The following COLGALT2 variants were observed in gnomAD, a reference collection of about 807,000 sequenced individuals.
The protein encoded by COLGALT2 is collagen beta(1-O)galactosyltransferase 2.
Under a neutral mutation model 73.4 loss-of-function variants are expected in COLGALT2, and 49 were observed. That is an observed-to-expected ratio of 0.67 (90% CI 0.53 to 0.85). COLGALT2 has a LOEUF of 0.85. COLGALT2 is among the 40% of genes least tolerant of loss of function. The probability of loss-of-function intolerance (pLI) is 0.00; values close to 1 mark genes in which losing one functional copy is unlikely to be tolerated. For synonymous variants in COLGALT2, 295 were observed against 307.6 expected (o/e 0.96, Z 0.43); for missense variants, 722 against 790.2 (o/e 0.91, Z 1.03).
At chr1:183,960,418 G>A (rs530515478) in intron 6 of COLGALT2, among the ~76,000 whole-genome samples, 4 of 152,244 alleles carry the variant, frequency 2.6e-5, no homozygotes, top group East Asian at 3.9e-4. Flanking sequence ...GATCACACAG[G>A]CCATAGCAAT....
At chr1:183,966,277 G>C (rs561425933) in intron 5 of COLGALT2, among the ~76,000 whole-genome samples, 1 of 152,186 alleles carries the variant, frequency 6.6e-6, no homozygotes, top group East Asian at 1.9e-4. Context: ...GCTGCTTCTG[G>C]GGAAGACAAT....
intron 4 of COLGALT2, among the ~76,000 whole-genome samples, chr1:183,972,873 A>G (rs771099579): frequency 1.1e-4 from 16 of 151,920 alleles, no homozygotes; most frequent in Admixed American, 6.6e-5. Flanking sequence ...CTAATTTTTT[A>G]TATTTTTAGT....
chr1:184,024,744 C>A (rs1649283293), intron 1 of COLGALT2, among the ~76,000 whole-genome samples: 1 of 148,990 alleles, frequency 6.7e-6, no homozygotes, highest in African/African-American at 2.5e-5. Flanking sequence ...GACAGAGATA[C>A]AGCTCAAGGG....
chr1:183,981,379 G>A (rs573121868), intron 1 of COLGALT2, among the ~76,000 whole-genome samples: 3 of 152,230 alleles, frequency 2.0e-5, no homozygotes, highest in South Asian at 4.1e-4. Flanking sequence ...AAGGCCAAGT[G>A]CGGTGGCTCA....
intron 5 of COLGALT2, among the ~76,000 whole-genome samples, chr1:183,966,927 C>G (rs1413143792): frequency 1.3e-5 from 2 of 152,164 alleles, no homozygotes; most frequent in Non-Finnish European, 2.9e-5. Flanking sequence ...GATTTAGGAC[C>G]AAGGTTTGTG....
At chr1:184,015,754 G>A (rs932463820) in intron 1 of COLGALT2, among the ~76,000 whole-genome samples, 1 of 152,170 alleles carries the variant, frequency 6.6e-6, no homozygotes, top group Non-Finnish European at 1.5e-5. Context: ...TGATGCTTTA[G>A]TGCCAGATGA....
intron 1 of COLGALT2, among the ~76,000 whole-genome samples, chr1:183,982,005 A>G (rs74130493): frequency 0.029 from 4,444 of 151,820 alleles, 219 homozygotes; most frequent in African/African-American, 0.1. Flanking sequence ...TTAAATTAAA[A>G]CTAGCCTACT....
chr1:183,994,111 T>C (rs1242343732), intron 1 of COLGALT2, among the ~76,000 whole-genome samples: 1 of 136,616 alleles, frequency 7.3e-6, no homozygotes, highest in Admixed American at 8.2e-5. Context: ...TGATCTCGGC[T>C]CACTGCAAAC....
Position 183,940,538 on chromosome 1 carries a change from G to A in COLGALT2, c.1604+43C>T, listed in dbSNP as rs747960853. On this transcript the variant is annotated intron_variant, in intron 11 of 11. Transcript: ENST00000361927. ...AGAAATGGAGAGCATAATTCATGAA[G>A]AGGCTGTGCCCAAGGGAAGGCAGGC... 4.4e-5 allele frequency: 67 copies of A among 1,538,068 alleles called. No homozygotes were observed. The South Asian group carries it at 6.9e-4, about 16-fold the overall frequency.
At chr1:184,036,529 G>T (rs896286699) in intron 1 of COLGALT2, among the ~76,000 whole-genome samples, 1 of 152,180 alleles carries the variant, frequency 6.6e-6, no homozygotes, top group African/African-American at 2.4e-5. Flanking sequence ...CCACCCCTAG[G>T]TCCAGGTCCC....
chr1:184,015,916 C>T (rs1201947565), intron 1 of COLGALT2, among the ~76,000 whole-genome samples: 1 of 152,214 alleles, frequency 6.6e-6, no homozygotes, highest in Non-Finnish European at 1.5e-5. Context: ...TTCTAATTCA[C>T]TGTAATTTAT....
chr1:183,971,146 A>T (rs1046065552), intron 4 of COLGALT2, among the ~76,000 whole-genome samples: 5 of 152,182 alleles, frequency 3.3e-5, no homozygotes, highest in Admixed American at 2.6e-4. Context: ...TTCCACATAA[A>T]TTGAATCTTG....
intron 1 of COLGALT2, among the ~76,000 whole-genome samples, chr1:183,983,173 G>A (rs1419135376): frequency 6.6e-6 from 1 of 152,200 alleles, no homozygotes; most frequent in Non-Finnish European, 1.5e-5. Flanking sequence ...GGCTTCTGAG[G>A]AAATGAACAC....
At chr1:183,943,312 C>T (rs1167228172) in intron 10 of COLGALT2, among the ~76,000 whole-genome samples, 2 of 152,268 alleles carry the variant, frequency 1.3e-5, no homozygotes, top group East Asian at 3.9e-4. Context: ...TGCAGCTGCT[C>T]CAAAGAAGCA....
At chr1:183,989,033 G>T (rs1180072577) in intron 1 of COLGALT2, among the ~76,000 whole-genome samples, 1 of 152,080 alleles carries the variant, frequency 6.6e-6, no homozygotes, top group Non-Finnish European at 1.5e-5. Flanking sequence ...GGAATGTGAG[G>T]CTTAGAGACT....
At chr1:183,999,487 A>G (rs1245134816) in intron 1 of COLGALT2, among the ~76,000 whole-genome samples, 1 of 152,144 alleles carries the variant, frequency 6.6e-6, no homozygotes, top group Non-Finnish European at 1.5e-5. Flanking sequence ...AATTGGAAAA[A>G]GTATTCCCTG....
At chr1:183,964,117 T>G in intron 5 of COLGALT2, 97 bp from the exon 6 acceptor site, 1 of 1,318,282 alleles carries the variant, frequency 7.6e-7, no homozygotes, top group South Asian at 1.5e-5. Flanking sequence ...GATGCTGAGT[T>G]TGACACTGCA....
Position 183,944,217 on chromosome 1 carries a change from G to A in COLGALT2, c.1376C>T (p.Ala459Val), listed in dbSNP as rs1362378071. Residue 459 changes from alanine to valine, a missense_variant, in exon 10 of 12, where the codon GCT becomes GTT. Physicochemically the swap from Ala to Val is moderately conservative, Grantham distance 64. Coordinates refer to ENST00000361927, the MANE Select transcript of COLGALT2 (RefSeq NM_015101.4). ...TCACATCAGTTCCCAGTCCAGCTGA[G>A]CCTGGTCAATGTTATCCATCAGCTT... Reference protein sequence around the residue: ...LMKLMDNIDQAQLDWELIYIG... With the variant: ...LMKLMDNIDQVQLDWELIYIG... The A allele has an allele frequency of 1.2e-6, 2 of 1,613,446 alleles. No homozygotes were observed. The highest frequency in any genetic ancestry group is 8.5e-7 in the Non-Finnish European group (1 of 1,179,810).
chr1:183,930,736 A>G (rs779907632), intron 11 of COLGALT2, among the ~76,000 whole-genome samples: 1 of 151,854 alleles, frequency 6.6e-6, no homozygotes, highest in Non-Finnish European at 1.5e-5. Flanking sequence ...ATTTATTTTT[A>G]ATTTTTAACA....
Sources: allele counts gnomAD v4.1 joint callset (sites outside exome capture counted in the v4.1 genomes callset), GRCh38; gene constraint gnomAD v4.1.1; transcripts MANE v1.5; gene names NCBI Gene and HGNC (gene_info 2026-07-23, HGNC 2026-07-21).